PHKB: variants seen among roughly 807,000 people sequenced by gnomAD.
PHKB encodes the protein phosphorylase kinase regulatory subunit beta.
A neutral mutation model predicts 152.1 loss-of-function variants in PHKB; 122 were observed. The observed-to-expected ratio is 0.80, with a 90% CI of 0.69 to 0.93. The LOEUF is 0.93. PHKB is among the 40% of genes least tolerant of loss of function. The probability of loss-of-function intolerance (pLI) is 0.00; values close to 1 mark genes in which losing one functional copy is unlikely to be tolerated. For synonymous variants in PHKB, 436 were observed against 464.9 expected (o/e 0.94, Z 0.80); for missense variants, 1,304 against 1,328.4 (o/e 0.98, Z 0.29).
intron 13 of PHKB, among the ~76,000 whole-genome samples, chr16:47,599,936 A>G (rs1181542633): frequency 1.3e-5 from 2 of 152,194 alleles, no homozygotes; most frequent in Non-Finnish European, 2.9e-5. Flanking sequence ...TTTCATTAAG[A>G]TTCCAGATAC....
chr16:47,607,772 G>A (rs985462191), intron 13 of PHKB, among the ~76,000 whole-genome samples: 3 of 152,282 alleles, frequency 2.0e-5, no homozygotes, highest in African/African-American at 7.2e-5. Flanking sequence ...TTCCAAAGCT[G>A]CTGTATCATT....
At chr16:47,568,415 T>A (rs1397375067) in intron 7 of PHKB, among the ~76,000 whole-genome samples, 2 of 152,212 alleles carry the variant, frequency 1.3e-5, no homozygotes, top group Non-Finnish European at 2.9e-5. Flanking sequence ...TGTTTGAATC[T>A]TCTCTCTTCT....
At chr16:47,495,124 G>A (rs575532642) in intron 1 of PHKB, among the ~76,000 whole-genome samples, 266 of 149,302 alleles carry the variant, frequency 1.8e-3, no homozygotes, top group Non-Finnish European at 3.0e-3. Flanking sequence ...TTACTGAATA[G>A]ATACTTATTT....
intron 29 of PHKB, among the ~76,000 whole-genome samples, 196 bp from the exon 30 acceptor site, chr16:47,698,252 A>G (rs976529880): frequency 2.0e-5 from 3 of 152,204 alleles, no homozygotes; most frequent in Non-Finnish European, 4.4e-5. Context: ...GATACACACA[A>G]TGAAAAAAAA....
In PHKB at chr16:47,499,849, G is replaced by A; in HGVS notation, c.260G>A (p.Ser87Asn). The change falls in exon 3 of 31, where the codon AGC (serine) becomes AAC (asparagine). Residue 87 changes from serine (S) to asparagine (N), a missense_variant. By Grantham distance (46) the Ser-to-Asn change is conservative. Transcript: ENST00000323584. Reference protein sequence around the residue: ...GGDQKAKIQDSLYCAAGAWAL... With the variant: ...GGDQKAKIQDNLYCAAGAWAL... The stretch of plus-strand genomic sequence containing the variant: ...GACCAGAAGGCCAAGATCCAGGACA[G>A]CCTATACTGCGCTGCTGGGGCCTGG... 6.2e-7 allele frequency: 1 copy of A among 1,614,208 alleles called. No homozygotes were observed. Among genetic ancestry groups the A allele is most frequent in the Admixed American group, 1.7e-5 (1 of 60,030 alleles).
At chr16:47,652,614 G>A (rs995578064) in intron 20 of PHKB, among the ~76,000 whole-genome samples, 2 of 151,666 alleles carry the variant, frequency 1.3e-5, no homozygotes, top group Non-Finnish European at 2.9e-5. Flanking sequence ...ATCTCGTTGT[G>A]GGTTGTTTTT....
chr16:47,568,281 A>T (rs1971601833), intron 7 of PHKB, among the ~76,000 whole-genome samples: 1 of 152,188 alleles, frequency 6.6e-6, no homozygotes, highest in African/African-American at 2.4e-5. Flanking sequence ...GTTTCTAGGA[A>T]TCTATCCATT....
intron 6 of PHKB, among the ~76,000 whole-genome samples, chr16:47,517,320 G>A (rs774179860): frequency 3.3e-5 from 5 of 149,946 alleles, no homozygotes; most frequent in Admixed American, 6.7e-5. Context: ...CAGTAACACC[G>A]TTTCAGCTCA....
At chr16:47,515,271 A>T (rs549755707) in intron 5 of PHKB, among the ~76,000 whole-genome samples, 1 of 152,350 alleles carries the variant, frequency 6.6e-6, no homozygotes, top group South Asian at 2.1e-4. Flanking sequence ...AGTTGTTAAC[A>T]GTTTTATTTG....
intron 1 of PHKB, among the ~76,000 whole-genome samples, chr16:47,470,611 T>C (rs149967604): frequency 1.3e-5 from 2 of 152,298 alleles, no homozygotes; most frequent in East Asian, 1.9e-4. Context: ...TATTCCCTTT[T>C]GAAAAACTCA....
intron 26 of PHKB, among the ~76,000 whole-genome samples, chr16:47,680,028 A>G (rs1385891769): frequency 6.6e-6 from 1 of 152,154 alleles, no homozygotes; most frequent in Non-Finnish European, 1.5e-5. Context: ...TCAGATAATC[A>G]TGTGGTTTTT....
At chr16:47,657,526 C>T (rs1008282857) in intron 20 of PHKB, among the ~76,000 whole-genome samples, 37 of 152,180 alleles carry the variant, frequency 2.4e-4, no homozygotes, top group African/African-American at 8.9e-4. Flanking sequence ...TATTTAATTA[C>T]CATCAGAAAT....
chr16:47,533,210 G>A (rs1015474478), intron 6 of PHKB, among the ~76,000 whole-genome samples: 2 of 152,140 alleles, frequency 1.3e-5, no homozygotes, highest in Admixed American at 6.5e-5. Context: ...TAGTCATCCC[G>A]ATGCCTGCTC....
At chr16:47,580,387 A>G (rs748202682) in intron 8 of PHKB, 29 bp downstream of exon 8, 2 of 1,437,738 alleles carry the variant, frequency 1.4e-6, no homozygotes, top group Non-Finnish European at 2.0e-6. Context: ...AGAATCTTTG[A>G]TTATTTGAAT....
intron 14 of PHKB, among the ~76,000 whole-genome samples, chr16:47,613,202 G>A (rs932957026): frequency 6.6e-6 from 1 of 152,144 alleles, no homozygotes; most frequent in African/African-American, 2.4e-5. Context: ...TTAGACTTAG[G>A]GTTGATTACT....
At chr16:47,514,813 T>C (rs1190810630) in intron 5 of PHKB, among the ~76,000 whole-genome samples, 1 of 152,258 alleles carries the variant, frequency 6.6e-6, no homozygotes, top group Non-Finnish European at 1.5e-5. Flanking sequence ...GAGTATCCTT[T>C]TTTGTTAAAG....
intron 20 of PHKB, among the ~76,000 whole-genome samples, chr16:47,659,639 A>C (rs1410892596): frequency 6.6e-6 from 1 of 152,170 alleles, no homozygotes; most frequent in Non-Finnish European, 1.5e-5. Flanking sequence ...TATGGAAAAT[A>C]AAATGGCCAA....
intron 26 of PHKB, among the ~76,000 whole-genome samples, chr16:47,681,061 T>G (rs1973844632): frequency 6.6e-6 from 1 of 152,234 alleles, no homozygotes; most frequent in South Asian, 2.1e-4. Flanking sequence ...TTGTTCAGTT[T>G]CCATGTAGTT....
chr16:47,596,450 A>G lies in PHKB; in HGVS notation c.1282A>G (p.Lys428Glu). The change falls in exon 13 of 31, where the codon AAA (lysine) becomes GAA (glutamate). Residue 428 changes from lysine (K) to glutamate (E), a missense_variant. Physicochemically the swap from Lys to Glu is moderately conservative, Grantham distance 56. Coordinates refer to ENST00000323584, the MANE Select transcript of PHKB (RefSeq NM_000293.3). ...TGAAAAAAATAACCCTGGTAGTCAA[A>G]AACGATTTCCTAGCAACTGTGGCCG... ...EYEKNNPGSQ[K>E]RFPSNCGRDG... is the part of the protein sequence containing the mutation. 6.2e-7 allele frequency: 1 copy of G among 1,613,832 alleles called. No individual in the cohort carries two copies.
Sources: gnomAD v4.1 joint callset for allele counts (sites outside exome capture counted in the v4.1 genomes callset) on GRCh38, gnomAD v4.1.1 for gene constraint, MANE v1.5 for transcripts, NCBI Gene and HGNC (gene_info 2026-07-23, HGNC 2026-07-21) for gene names.